The following ABTB3 variants were observed in gnomAD, a reference collection of about 807,000 sequenced individuals.
The protein encoded by ABTB3 is ankyrin repeat and BTB domain containing 3.
chr12:107,403,541 AG>A, the ABTB3 span, among the ~76,000 whole-genome samples: 1 of 152,346 alleles, frequency 6.6e-6, no homozygotes, highest in African/African-American at 2.4e-5. Context: ...CTAGGGCTAT[AG>A]GGAGAATAAA....
chr12:107,352,625 G>C, the ABTB3 span, among the ~76,000 whole-genome samples: 1 of 152,148 alleles, frequency 6.6e-6, no homozygotes, highest in Non-Finnish European at 1.5e-5. Context: ...CTGTGAGAGC[G>C]TGCCTTTTTC....
At chr12:107,496,804 A>G in the ABTB3 span, among the ~76,000 whole-genome samples, 3 of 152,202 alleles carry the variant, frequency 2.0e-5, no homozygotes, top group Admixed American at 2.0e-4. Context: ...TAATTTAGCC[A>G]GAGAGTCAAT....
At chr12:107,446,565 G>T in the ABTB3 span, among the ~76,000 whole-genome samples, 5 of 152,190 alleles carry the variant, frequency 3.3e-5, no homozygotes, top group African/African-American at 1.2e-4. Context: ...GAGCAAGGAA[G>T]CAAGCCCTAT....
chr12:107,420,147 A>C, the ABTB3 span, among the ~76,000 whole-genome samples: 1 of 152,086 alleles, frequency 6.6e-6, no homozygotes, highest in Non-Finnish European at 1.5e-5. Context: ...CTCCTCTGAA[A>C]CTGCTCTCTC....
chr12:107,567,943 G>A, the ABTB3 span, among the ~76,000 whole-genome samples: 22,355 of 152,146 alleles, frequency 0.15, 1,905 homozygotes, highest in East Asian at 0.25. Flanking sequence ...TTGTATAAGT[G>A]CACTCTTGAT....
chr12:107,637,960 G>T, the ABTB3 span, among the ~76,000 whole-genome samples: 1 of 152,044 alleles, frequency 6.6e-6, no homozygotes, highest in Admixed American at 6.6e-5. Context: ...GGTGTGATAG[G>T]TGAGCAGAGG....
the ABTB3 span, among the ~76,000 whole-genome samples, chr12:107,473,747 G>A: frequency 1.1e-3 from 172 of 151,856 alleles, no homozygotes; most frequent in African/African-American, 4.0e-3. Context: ...TATTGCACTT[G>A]GTGAAGAAGC....
chr12:107,370,757 ATTTTTTTTTTTTTTTT>A, the ABTB3 span, among the ~76,000 whole-genome samples: 1 of 87,464 alleles, frequency 1.1e-5, no homozygotes, highest in African/African-American at 4.4e-5. Context: ...CAAAAAAGGG[ATTTTTTTTTTTTTTTT>A]TTTTTTTTTT....
At chr12:107,454,646 A>G in the ABTB3 span, among the ~76,000 whole-genome samples, 1 of 152,088 alleles carries the variant, frequency 6.6e-6, no homozygotes, top group Non-Finnish European at 1.5e-5. Context: ...GGCATTGGCC[A>G]GATTGGAGGT....
chr12:107,532,506 C>T, the ABTB3 span, among the ~76,000 whole-genome samples: 2 of 152,294 alleles, frequency 1.3e-5, no homozygotes, highest in South Asian at 2.1e-4. Flanking sequence ...GAACCCTACC[C>T]GACTAACACT....
the ABTB3 span, among the ~76,000 whole-genome samples, chr12:107,553,628 C>A: frequency 6.6e-6 from 1 of 152,210 alleles, no homozygotes; most frequent in East Asian, 1.9e-4. Flanking sequence ...GCAGGACGTT[C>A]TCCTGTAGGC....
the ABTB3 span, among the ~76,000 whole-genome samples, chr12:107,525,614 A>T: frequency 6.6e-6 from 1 of 152,168 alleles, no homozygotes; most frequent in East Asian, 1.9e-4. Context: ...TCGTCTAAGG[A>T]CATATTTCTC....
the ABTB3 span, chr12:107,612,811 G>T: frequency 1.2e-6 from 2 of 1,613,852 alleles, no homozygotes; most frequent in African/African-American, 1.3e-5. Flanking sequence ...GCCTGCGTCC[G>T]TGGGGACGAG....
chr12:107,373,196 A>G, the ABTB3 span, among the ~76,000 whole-genome samples: 1 of 152,210 alleles, frequency 6.6e-6, no homozygotes, highest in Non-Finnish European at 1.5e-5. Flanking sequence ...TGAACTCCGC[A>G]TTGGCTGGCG....
the ABTB3 span, among the ~76,000 whole-genome samples, chr12:107,647,935 AGACTGAAGG>A: frequency 2.0e-5 from 3 of 152,328 alleles, no homozygotes; most frequent in African/African-American, 7.2e-5. Flanking sequence ...TATTGGTCAC[AGACTGAAGG>A]GACTGAAGGG....
At chr12:107,610,592 G>A in the ABTB3 span, among the ~76,000 whole-genome samples, 1 of 152,178 alleles carries the variant, frequency 6.6e-6, no homozygotes, top group Non-Finnish European at 1.5e-5. Flanking sequence ...ATGGAAAAGA[G>A]AGGAAAAACA....
At chr12:107,526,116 A>T in the ABTB3 span, among the ~76,000 whole-genome samples, 3 of 152,198 alleles carry the variant, frequency 2.0e-5, no homozygotes, top group Non-Finnish European at 2.9e-5. Context: ...TGTCTGAGAA[A>T]CAAAAACTGA....
the ABTB3 span, among the ~76,000 whole-genome samples, chr12:107,517,286 T>G: frequency 6.6e-6 from 1 of 152,228 alleles, no homozygotes; most frequent in Non-Finnish European, 1.5e-5. Context: ...TAGTATAGCT[T>G]GAAGTCAGGT....
chr12:107,346,848 C>T, the ABTB3 span, among the ~76,000 whole-genome samples: 6 of 152,268 alleles, frequency 3.9e-5, no homozygotes, highest in South Asian at 6.2e-4. Context: ...TGACTGCTTG[C>T]GGGTAAATAG....
Sources: gnomAD v4.1 joint callset for allele counts (sites outside exome capture counted in the v4.1 genomes callset) on GRCh38, gnomAD v4.1.1 for gene constraint, MANE v1.5 for transcripts, NCBI Gene and HGNC (gene_info 2026-07-23, HGNC 2026-07-21) for gene names.